Variants in DNAH3 observed in about 807,000 individuals in gnomAD.
DNAH3 encodes the protein axonemal beta dynein heavy chain 3.
A neutral mutation model predicts 432.5 loss-of-function variants in DNAH3; 332 were observed. That is an observed-to-expected ratio of 0.77 (90% CI 0.70 to 0.84). DNAH3 has a LOEUF of 0.84. Ranked by LOEUF, DNAH3 falls within the 40% of genes least tolerant of loss-of-function variation. DNAH3 has a pLI of 0.00. For missense variants in DNAH3, 4,861 were observed against 5,114.0 expected (o/e 0.95, Z 1.51); for synonymous variants, 1,956 against 1,900.2 (o/e 1.03, Z -0.76).
chr16:21,038,835 A>G (rs567705146), intron 33 of DNAH3, among the ~76,000 whole-genome samples: 16 of 152,346 alleles, frequency 1.1e-4, no homozygotes, highest in Non-Finnish European at 2.1e-4. Flanking sequence ...GTTAAATGTC[A>G]TATGACTGAG....
chr16:21,003,018 C>T (rs879535503), intron 42 of DNAH3, 86 bp downstream of exon 42: 49 of 933,284 alleles, frequency 5.3e-5, no homozygotes, highest in East Asian at 1.7e-4. Flanking sequence ...TAAAACTCCT[C>T]GCAAAGACTG....
chr16:20,953,467 G>A (rs1335901261), intron 55 of DNAH3, among the ~76,000 whole-genome samples: 1 of 151,986 alleles, frequency 6.6e-6, no homozygotes, highest in Non-Finnish European at 1.5e-5. Context: ...GTTCAATAGA[G>A]AAGTTTAATT....
chr16:20,955,139 A>G, intron 54 of DNAH3, 82 bp from the exon 55 acceptor site: 2 of 1,411,666 alleles, frequency 1.4e-6, no homozygotes, highest in Non-Finnish European at 1.9e-6. Context: ...AACAATAACA[A>G]TAACAAAACA....
chr16:21,073,544 C>A (rs983528991), intron 21 of DNAH3, among the ~76,000 whole-genome samples: 1 of 152,014 alleles, frequency 6.6e-6, no homozygotes, highest in Non-Finnish European at 1.5e-5. Context: ...GAACATGATA[C>A]CCCGAAGCAT....
chr16:21,028,898 A>T (rs1324614084), intron 37 of DNAH3, among the ~76,000 whole-genome samples: 1 of 152,210 alleles, frequency 6.6e-6, no homozygotes, highest in Non-Finnish European at 1.5e-5. Context: ...ATTTGTGATT[A>T]AAAACTTCCC....
chr16:21,027,675 A>G (rs2088643170), intron 37 of DNAH3, among the ~76,000 whole-genome samples: 1 of 152,242 alleles, frequency 6.6e-6, no homozygotes, highest in Non-Finnish European at 1.5e-5. Context: ...CCCTGTCTCT[A>G]CTAAAAATAC....
intron 16 of DNAH3, among the ~76,000 whole-genome samples, chr16:21,099,508 G>A (rs2091782539): frequency 1.3e-5 from 2 of 152,176 alleles, no homozygotes; most frequent in Admixed American, 6.5e-5. Flanking sequence ...GTCTCAATGA[G>A]AACTGCTCCC....
rs762471481 is a variant in DNAH3, at chr16:20,941,386, C to T, written c.11654+15G>A. The T allele has an allele frequency of 1.5e-5, 24 of 1,613,558 alleles. 1 individual carries two copies. In the South Asian group the frequency reaches 2.0e-4, roughly 13 times the overall value. ...GTTCCAACTCCCAGGATTCAAGCTA[C>T]ATCATCTGGCCCACCTGTTGAATCT... On this transcript the variant is annotated intron_variant, in intron 59 of 61. Coordinates refer to ENST00000261383, the Ensembl canonical transcript of DNAH3.
At chr16:21,112,619 T>C (rs1171581932) in intron 12 of DNAH3, among the ~76,000 whole-genome samples, 2 of 152,180 alleles carry the variant, frequency 1.3e-5, no homozygotes, top group African/African-American at 2.4e-5. Flanking sequence ...CCCCTGCGTC[T>C]TTCCCACAAC....
rs756745974 is a variant in DNAH3 at position 21,057,917 on chromosome 16, G to A, written c.3924+169C>T. Among the ~76,000 whole-genome samples the A allele has an allele frequency of 3.9e-5, 6 of 152,160 alleles. No homozygotes were observed. The South Asian group carries it at 1.0e-3, about 26-fold the overall frequency. Reference sequence around the variant, plus strand: ...GTACCATAGAATTGCAGGACAGCTCGAATCCCAAATTCTCCATCCCACTGT... The same window carrying A: ...GTACCATAGAATTGCAGGACAGCTCAAATCCCAAATTCTCCATCCCACTGT... On this transcript the variant is annotated intron_variant, in intron 27 of 61. Transcript: ENST00000261383.
intron 59 of DNAH3, among the ~76,000 whole-genome samples, chr16:20,939,845 A>G (rs765624188): frequency 6.6e-6 from 1 of 152,210 alleles, no homozygotes; most frequent in African/African-American, 2.4e-5. Flanking sequence ...CTTGAGACCT[A>G]CATCAAATCA....
At chr16:21,019,989 A>T in intron 40 of DNAH3, 120 bp from the exon 41 acceptor site, 3 of 1,077,794 alleles carry the variant, frequency 2.8e-6, no homozygotes, top group Non-Finnish European at 4.0e-6. Context: ...ATATTGGCAG[A>T]GTGCCTATCA....
At chr16:21,049,784 C>A in intron 30 of DNAH3, 102 bp from the exon 31 acceptor site, 1 of 1,343,464 alleles carries the variant, frequency 7.4e-7, no homozygotes, top group Non-Finnish European at 1.1e-6. Flanking sequence ...CCTTGCTCTG[C>A]TTGAAGGAGC....
chr16:21,107,325 TG>T (rs1401892927), intron 14 of DNAH3, among the ~76,000 whole-genome samples: 1 of 148,138 alleles, frequency 6.8e-6, no homozygotes, highest in African/African-American at 2.5e-5. Context: ...CTGCAACCTC[TG>T]CTTCCCGGGC....
intron 41 of DNAH3, among the ~76,000 whole-genome samples, chr16:21,012,920 C>G (rs960483640): frequency 1.3e-5 from 2 of 151,998 alleles, no homozygotes; most frequent in Admixed American, 6.6e-5. Context: ...CGCTACCACA[C>G]CCAGCTAATT....
intron 29 of DNAH3, among the ~76,000 whole-genome samples, chr16:21,050,835 G>A (rs1032501381): frequency 6.6e-6 from 1 of 152,338 alleles, no homozygotes; most frequent in Middle Eastern, 3.4e-3. Flanking sequence ...ATAGGTGCAA[G>A]ATAAATGTTA....
intron 41 of DNAH3, among the ~76,000 whole-genome samples, chr16:21,013,741 C>A (rs868624293): frequency 0.012 from 1,374 of 115,152 alleles, 14 homozygotes; most frequent in South Asian, 0.018. Context: ...AAAAAAAAAA[C>A]TAAAAAAATG....
At chr16:21,006,023 C>A (rs2087286717) in intron 41 of DNAH3, among the ~76,000 whole-genome samples, 1 of 152,048 alleles carries the variant, frequency 6.6e-6, no homozygotes, top group Non-Finnish European at 1.5e-5. Context: ...AGAGAAGTTT[C>A]TGCATCTGTA....
chr16:21,113,051 T>C (rs541147704), intron 12 of DNAH3, among the ~76,000 whole-genome samples: 14 of 152,252 alleles, frequency 9.2e-5, no homozygotes, highest in Non-Finnish European at 1.8e-4. Context: ...CTGTGGACTT[T>C]TGGGTTGGTG....
Sources: gnomAD v4.1 joint callset for allele counts (sites outside exome capture counted in the v4.1 genomes callset) on GRCh38, gnomAD v4.1.1 for gene constraint, MANE v1.5 for transcripts, NCBI Gene and HGNC (gene_info 2026-07-23, HGNC 2026-07-21) for gene names.